Variants in STPG2 observed in about 807,000 individuals in gnomAD.
STPG2 encodes sperm-tail PG-rich repeat-containing protein 2.
STPG2 carries 56 observed loss-of-function variants against 54.2 expected under a neutral mutation model. That is an observed-to-expected ratio of 1.03 (90% CI 0.83 to 1.29). The LOEUF (loss-of-function observed/expected upper bound fraction) is 1.29. Ranked by LOEUF, STPG2 falls within the 50% of genes most tolerant of loss-of-function variation. The pLI, the probability that STPG2 is intolerant of heterozygous loss-of-function variation, is 0.00. For synonymous variants in STPG2, 200 were observed against 181.8 expected, an observed-to-expected ratio of 1.10 and a Z score of -0.81; for missense variants, 596 against 544.9, an observed-to-expected ratio of 1.09 and a Z score of -0.93.
intron 9 of STPG2, among the ~76,000 whole-genome samples, chr4:97,815,255 C>T (rs1279779399): frequency 6.6e-6 from 1 of 152,074 alleles, no homozygotes; most frequent in Non-Finnish European, 1.5e-5. Flanking sequence ...TGCGTGTGCA[C>T]ACGTTTGTAT....
intron 7 of STPG2, among the ~76,000 whole-genome samples, chr4:97,970,953 C>T (rs997140308): frequency 2.0e-5 from 3 of 152,020 alleles, no homozygotes; most frequent in East Asian, 1.9e-4. Flanking sequence ...AGAACCTAAA[C>T]GAATTTACAA....
chr4:97,860,892 A>C (rs1424087125), intron 8 of STPG2, among the ~76,000 whole-genome samples: 4 of 152,154 alleles, frequency 2.6e-5, no homozygotes, highest in Non-Finnish European at 5.9e-5. Flanking sequence ...TCCCCATTCA[A>C]CATGATGTTT....
At chr4:98,025,075 G>T (rs1736369104) in intron 5 of STPG2, among the ~76,000 whole-genome samples, 1 of 152,130 alleles carries the variant, frequency 6.6e-6, no homozygotes, top group Admixed American at 6.5e-5. Context: ...ATAGCAAAAA[G>T]GCTCTCCTTT....
chr4:97,611,279 T>C (rs1273021303), intron 10 of STPG2, among the ~76,000 whole-genome samples: 1 of 151,390 alleles, frequency 6.6e-6, no homozygotes, highest in Admixed American at 6.6e-5. Flanking sequence ...CTCATGGAAA[T>C]TGCAAATCTA....
chr4:97,721,695 A>C (rs999640866), intron 9 of STPG2, among the ~76,000 whole-genome samples: 16 of 152,138 alleles, frequency 1.1e-4, no homozygotes, highest in African/African-American at 3.4e-4. Context: ...TATACAATAA[A>C]CATATGACTT....
chr4:97,875,690 G>A, intron 8 of STPG2, among the ~76,000 whole-genome samples: 1 of 151,886 alleles, frequency 6.6e-6, no homozygotes, highest in South Asian at 2.1e-4. Context: ...AGATGAGCTA[G>A]TATAAGACAC....
At chr4:98,137,082 A>G (rs911053353) in intron 1 of STPG2, among the ~76,000 whole-genome samples, 2 of 151,778 alleles carry the variant, frequency 1.3e-5, no homozygotes, top group Non-Finnish European at 3.0e-5. Context: ...ATAAAAAAGT[A>G]AGACCAAACT....
At chr4:97,662,986 G>A (rs1722419113) in intron 10 of STPG2, among the ~76,000 whole-genome samples, 1 of 152,048 alleles carries the variant, frequency 6.6e-6, no homozygotes, top group Non-Finnish European at 1.5e-5. Context: ...TGCAAATCTT[G>A]AAGAAAAATT....
intron 10 of STPG2, among the ~76,000 whole-genome samples, chr4:97,590,672 C>CAG (rs370718614): frequency 2.1e-5 from 3 of 145,318 alleles, no homozygotes; most frequent in South Asian, 2.1e-4. Context: ...CACACACACA[C>CAG]AGAGAGAAAC....
chr4:97,884,481 G>A (rs1730491550), intron 8 of STPG2, among the ~76,000 whole-genome samples: 1 of 152,146 alleles, frequency 6.6e-6, no homozygotes, highest in East Asian at 1.9e-4. Flanking sequence ...GAAGACACCA[G>A]AAAAAGATGA....
downstream of STPG2, among the ~76,000 whole-genome samples, chr4:97,555,089 G>C (rs879761835): frequency 5.9e-5 from 9 of 152,120 alleles, no homozygotes; most frequent in Non-Finnish European, 1.0e-4. Flanking sequence ...AAAGGAGAAA[G>C]CATCAACTTA....
intron 10 of STPG2, among the ~76,000 whole-genome samples, chr4:97,686,118 C>T (rs1299595591): frequency 1.3e-5 from 2 of 152,164 alleles, no homozygotes; most frequent in Admixed American, 6.5e-5. Flanking sequence ...AAATGGAAAT[C>T]CACTAAATGT....
rs547526018 is a variant in STPG2 at position 98,045,239 on chromosome 4, C to T, written c.612+60714G>A. 4.2e-3 allele frequency among the ~76,000 whole-genome samples: 641 copies of T among 152,218 alleles called. 3 individuals carry two copies. The highest frequency in any genetic ancestry group is 0.025 in the South Asian group (118 of 4,816). On this transcript the variant is annotated intron_variant, in intron 5 of 10. Transcript: ENST00000295268. The stretch of plus-strand genomic sequence containing the variant: ...TGCTCATCAGCTTATGGCTTCTGTC[C>T]AAGCACCTGAACAGAGGACTAGAAC...
chr4:98,093,596 G>A (rs1019266227), intron 5 of STPG2, among the ~76,000 whole-genome samples: 2 of 152,130 alleles, frequency 1.3e-5, no homozygotes, highest in Non-Finnish European at 2.9e-5. Flanking sequence ...AAACCCAGGT[G>A]GCAATCACAG....
intron 8 of STPG2, among the ~76,000 whole-genome samples, chr4:97,939,937 A>C (rs1732911214): frequency 6.6e-6 from 1 of 152,160 alleles, no homozygotes; most frequent in African/African-American, 2.4e-5. Flanking sequence ...ATTAGCTGGT[A>C]GTGGTGTTTC....
At chr4:97,537,416 G>A (rs1200451365) in intron 4 of STPG2, among the ~76,000 whole-genome samples, 2 of 152,200 alleles carry the variant, frequency 1.3e-5, no homozygotes, top group Non-Finnish European at 2.9e-5. Flanking sequence ...AAGGCTTGGA[G>A]GGTCCCACAC....
chr4:97,862,389 GAACT>G (rs1411544003), intron 8 of STPG2, among the ~76,000 whole-genome samples: 10 of 152,184 alleles, frequency 6.6e-5, no homozygotes, highest in Admixed American at 2.0e-4. Context: ...TCAACAAGAA[GAACT>G]AACTATCTTA....
intron 9 of STPG2, among the ~76,000 whole-genome samples, chr4:97,829,248 A>C (rs1728363106): frequency 6.6e-6 from 1 of 152,028 alleles, no homozygotes; most frequent in Non-Finnish European, 1.5e-5. Flanking sequence ...CTGGAGTAGA[A>C]CTCCAGAAAA....
Position 98,014,239 on chromosome 4 carries a change from T to C in STPG2, c.613-32921A>G, listed in dbSNP as rs559373134. 2.6e-5 allele frequency among the ~76,000 whole-genome samples: 4 copies of C among 152,320 alleles called. No individual in the cohort carries two copies. In the South Asian group the frequency reaches 8.3e-4, roughly 32 times the overall value. ...AACTTCATTATTTACCCATGAGTCA[T>C]TCAGGAGCAGGTTGTTCAATTTCCA... On this transcript the variant is annotated intron_variant, in intron 5 of 10. Coordinates refer to ENST00000295268, the MANE Select transcript of STPG2 (RefSeq NM_174952.3).
Sources: gnomAD v4.1 joint callset for allele counts (sites outside exome capture counted in the v4.1 genomes callset) on GRCh38, gnomAD v4.1.1 for gene constraint, MANE v1.5 for transcripts, NCBI Gene and HGNC (gene_info 2026-07-23, HGNC 2026-07-21) for gene names.